The following CPS1 variants were observed in gnomAD, a reference collection of about 807,000 sequenced individuals.
The protein encoded by CPS1 is carbamoyl-phosphate synthase 1, also known as carbamoyl-phosphate synthase [ammonia], mitochondrial.
Under a neutral mutation model 174.6 loss-of-function variants are expected in CPS1, and 109 were observed. That is an observed-to-expected ratio of 0.62 (90% confidence interval 0.53 to 0.73). The LOEUF (loss-of-function observed/expected upper bound fraction) is 0.73, where lower values mean the gene tolerates loss of function less well. Ranked by LOEUF, CPS1 falls within the 30% of genes least tolerant of loss-of-function variation. The pLI is 0.00. For missense variants in CPS1, 1,689 were observed against 1,821.9 expected, an observed-to-expected ratio of 0.93 and a Z score of 1.33; for synonymous variants, 637 against 632.0, an observed-to-expected ratio of 1.01 and a Z score of -0.12.
chr2:210,518,185 A>T (rs1361530669), intron 1 of CPS1, among the ~76,000 whole-genome samples: 1 of 151,946 alleles, frequency 6.6e-6, no homozygotes, highest in Non-Finnish European at 1.5e-5. Context: ...TGAGTTTCTA[A>T]TTTTATAAAT....
At chr2:210,593,693 T>G in intron 11 of CPS1, 1 of 978,026 alleles carries the variant, frequency 1.0e-6, no homozygotes, top group Non-Finnish European at 1.2e-6. Flanking sequence ...GGGAAGAGAA[T>G]AAGAGCTTTC....
chr2:210,550,908 A>C (rs1696712827), intron 1 of CPS1, among the ~76,000 whole-genome samples: 2 of 151,904 alleles, frequency 1.3e-5, no homozygotes, highest in South Asian at 4.1e-4. Context: ...GCTCATGGTC[A>C]AACTCCATTT....
At chr2:210,570,357 A>T (rs2106066744) in intron 1 of CPS1, among the ~76,000 whole-genome samples, 1 of 152,078 alleles carries the variant, frequency 6.6e-6, no homozygotes, top group South Asian at 2.1e-4. Context: ...AAAATAGAAA[A>T]CTAGTTTCAT....
intron 34 of CPS1, 23 bp downstream of exon 34, chr2:210,668,307 C>T (rs768815870): frequency 1.3e-4 from 197 of 1,518,076 alleles, no homozygotes; most frequent in Non-Finnish European, 1.7e-4. Flanking sequence ...TGGCTGTGTG[C>T]TTGCCCATGG....
chr2:210,600,784 C>G, intron 15 of CPS1, 72 bp downstream of exon 15: 2 of 1,465,826 alleles, frequency 1.4e-6, no homozygotes, highest in Non-Finnish European at 1.9e-6. Flanking sequence ...ATTTTTCATG[C>G]CTAATAATAA....
chr2:210,493,592 T>C (rs1694921085), intron 1 of CPS1, among the ~76,000 whole-genome samples: 1 of 152,172 alleles, frequency 6.6e-6, no homozygotes, highest in Non-Finnish European at 1.5e-5. Context: ...ATGCCAATAA[T>C]GGATTTTGGG....
chr2:210,511,692 C>T (rs918233), intron 1 of CPS1, among the ~76,000 whole-genome samples: 93,490 of 151,788 alleles, frequency 0.62, 29,192 homozygotes, highest in South Asian at 0.68. Context: ...GAGACAAGGA[C>T]GGTAATGGGG....
intron 34 of CPS1, among the ~76,000 whole-genome samples, chr2:210,670,167 C>T (rs922618058): frequency 5.9e-5 from 9 of 151,846 alleles, no homozygotes; most frequent in South Asian, 2.1e-4. Context: ...TGAGTTGTTG[C>T]GAAGAACTTT....
intron 1 of CPS1, among the ~76,000 whole-genome samples, chr2:210,528,703 T>A (rs1191491410): frequency 6.6e-6 from 1 of 151,806 alleles, no homozygotes; most frequent in Non-Finnish European, 1.5e-5. Flanking sequence ...AGCTCCTAGT[T>A]CATGAGTGTG....
intron 2 of CPS1, among the ~76,000 whole-genome samples, chr2:210,575,794 A>G (rs1046109413): frequency 5.3e-5 from 8 of 152,090 alleles, no homozygotes; most frequent in Admixed American, 3.3e-4. Flanking sequence ...ATATAAATTA[A>G]CTCACTTATT....
chr2:210,564,861 G>A lies in CPS1; in HGVS notation c.126+8002G>A, dbSNP rs551338163. Among the ~76,000 whole-genome samples, 10 of 152,040 alleles carry A rather than the reference G, an allele frequency of 6.6e-5. No homozygotes were observed. The South Asian group carries it at 8.3e-4, about 13-fold the overall frequency. On this transcript the variant is annotated intron_variant, in intron 1 of 37. Transcript: ENST00000233072. ...TACAAAATTAGCTGGGTGTGGTGGCGCAAAGTGCCTGTAATCTCAGCTACT... is the reference window on the plus strand; with the variant it reads ...TACAAAATTAGCTGGGTGTGGTGGCACAAAGTGCCTGTAATCTCAGCTACT...
intron 1 of CPS1, among the ~76,000 whole-genome samples, chr2:210,529,106 C>A (rs372270886): frequency 6.6e-6 from 1 of 151,870 alleles, no homozygotes. Flanking sequence ...GAATATAAAG[C>A]TAGTGTTAGG....
intron 28 of CPS1, among the ~76,000 whole-genome samples, chr2:210,653,147 A>G (rs1032643238): frequency 6.6e-6 from 1 of 152,156 alleles, no homozygotes; most frequent in Non-Finnish European, 1.5e-5. Flanking sequence ...GATGAAGCTG[A>G]GGAGAAAAGA....
chr2:210,631,743 CA>C (rs1285271491), intron 21 of CPS1, among the ~76,000 whole-genome samples: 1 of 152,096 alleles, frequency 6.6e-6, no homozygotes, highest in African/African-American at 2.4e-5. Context: ...ACTCTCAAAG[CA>C]AGGCAAACTG....
intron 1 of CPS1, among the ~76,000 whole-genome samples, chr2:210,483,056 A>G (rs1330501523): frequency 6.6e-6 from 1 of 152,226 alleles, no homozygotes; most frequent in Non-Finnish European, 1.5e-5. Context: ...TTTAAGTTAT[A>G]AAAGTTTAAT....
rs560947705 is a variant in CPS1 at position 210,536,626 on chromosome 2, G to A, written c.4-20093G>A. Among the ~76,000 whole-genome samples, 3 of 152,124 alleles carry A rather than the reference G, an allele frequency of 2.0e-5. No individual in the cohort carries two copies. In the Middle Eastern group the frequency reaches 0.01, roughly 517 times the overall value. On this transcript the variant is annotated intron_variant, in intron 1 of 38. Transcript: ENST00000430249. ...CAGGCGTGAGCCACTGCGCCTGGCCGTATTTAGGTACTTCTTTAGATATAA... is the reference window on the plus strand; with the variant it reads ...CAGGCGTGAGCCACTGCGCCTGGCCATATTTAGGTACTTCTTTAGATATAA...
rs534186502 is a variant in CPS1, at chr2:210,517,941, C to T, written c.4-38778C>T. ...TTTCATATCGTAATTATATGTCAGA[C>T]CCAGGCCATTATACATGCTATCTAT... On this transcript the variant is annotated intron_variant, in intron 1 of 38. Coordinates refer to the CPS1 transcript ENST00000430249. 2.0e-5 allele frequency among the ~76,000 whole-genome samples: 3 copies of T among 152,018 alleles called. No homozygotes were observed. The South Asian group carries it at 6.2e-4, about 32-fold the overall frequency.
intron 1 of CPS1, among the ~76,000 whole-genome samples, chr2:210,537,162 T>C (rs1247793792): frequency 6.6e-6 from 1 of 152,230 alleles, no homozygotes; most frequent in Non-Finnish European, 1.5e-5. Flanking sequence ...GTTTTGGGTT[T>C]CCATTTCCTT....
intron 33 of CPS1, among the ~76,000 whole-genome samples, chr2:210,664,496 C>T (rs955082499): frequency 3.3e-5 from 5 of 152,142 alleles, no homozygotes; most frequent in Admixed American, 1.3e-4. Context: ...TGCACCACCA[C>T]GCCCGGCTAA....
Sources: allele counts gnomAD v4.1 joint callset (sites outside exome capture counted in the v4.1 genomes callset), GRCh38; gene constraint gnomAD v4.1.1; transcripts MANE v1.5; gene names NCBI Gene and HGNC (gene_info 2026-07-23, HGNC 2026-07-21).